The following DZIP3 variants were observed in gnomAD, a reference collection of about 807,000 sequenced individuals.
DZIP3 encodes the protein DAZ interacting zinc finger protein 3.
DZIP3 carries 118 observed loss-of-function variants against 162.0 expected under a neutral mutation model. The observed-to-expected ratio is 0.73, with a 90% CI of 0.63 to 0.85. The LOEUF is 0.85. Ranked by LOEUF, DZIP3 falls within the 40% of genes least tolerant of loss-of-function variation. DZIP3 has a pLI of 0.00. For missense variants in DZIP3, 1,331 were observed against 1,407.0 expected (o/e 0.95, Z 0.86); for synonymous variants, 438 against 458.6 (o/e 0.96, Z 0.57).
intron 1 of DZIP3, among the ~76,000 whole-genome samples, chr3:108,601,007 CTGCA>C (rs1939982241): frequency 6.6e-6 from 1 of 152,162 alleles, no homozygotes; most frequent in Admixed American, 6.5e-5. Context: ...TAATGGATAT[CTGCA>C]TACTTTATGT....
intron 19 of DZIP3, among the ~76,000 whole-genome samples, chr3:108,657,443 G>A (rs1276120551): frequency 6.6e-6 from 1 of 152,164 alleles, no homozygotes; most frequent in Non-Finnish European, 1.5e-5. Context: ...AATGCTGAGA[G>A]ATTTTTGTCA....
intron 5 of DZIP3, among the ~76,000 whole-genome samples, chr3:108,623,284 A>G (rs913468218): frequency 5.3e-5 from 8 of 152,070 alleles, no homozygotes; most frequent in African/African-American, 1.9e-4. Flanking sequence ...GTTGGGTCAC[A>G]TCTGAAGCCA....
chr3:108,637,899 T>C (rs1942231145), intron 12 of DZIP3, among the ~76,000 whole-genome samples: 1 of 152,230 alleles, frequency 6.6e-6, no homozygotes. Flanking sequence ...AGAATCTTCC[T>C]GTTTCTTACA....
intron 1 of DZIP3, among the ~76,000 whole-genome samples, chr3:108,596,959 G>T (rs1378058733): frequency 6.6e-6 from 1 of 152,094 alleles, no homozygotes; most frequent in East Asian, 1.9e-4. Flanking sequence ...GTCTAGGCAT[G>T]GGGTCATTTA....
intron 14 of DZIP3, among the ~76,000 whole-genome samples, chr3:108,645,165 G>C (rs949631014): frequency 1.3e-5 from 2 of 152,164 alleles, no homozygotes; most frequent in Non-Finnish European, 2.9e-5. Context: ...AGAGTTCATA[G>C]AGTACATTCA....
At chr3:108,599,100 G>T (rs1939858133) in intron 1 of DZIP3, among the ~76,000 whole-genome samples, 1 of 152,218 alleles carries the variant, frequency 6.6e-6, no homozygotes, top group South Asian at 2.1e-4. Flanking sequence ...TGTTTCCCAT[G>T]TTGGCAGATT....
chr3:108,619,741 C>A (rs1941227130), intron 5 of DZIP3, among the ~76,000 whole-genome samples: 1 of 152,094 alleles, frequency 6.6e-6, no homozygotes, highest in Admixed American at 6.5e-5. Context: ...GAAACACGCT[C>A]AGAGACACAC....
intron 18 of DZIP3, 108 bp from the exon 19 acceptor site, chr3:108,654,037 T>C: frequency 8.3e-7 from 1 of 1,201,156 alleles, no homozygotes. Flanking sequence ...ACCCTTCTAA[T>C]GCTGAGCATC....
At chr3:108,642,142 T>C (rs1298524686) in intron 12 of DZIP3, among the ~76,000 whole-genome samples, 1 of 152,182 alleles carries the variant, frequency 6.6e-6, no homozygotes, top group African/African-American at 2.4e-5. Flanking sequence ...TGTCTTACAA[T>C]GCAAAGCTTT....
upstream of DZIP3, chr3:108,589,522 C>T (rs1576326396): frequency 3.7e-6 from 2 of 542,036 alleles, no homozygotes; most frequent in East Asian, 3.2e-5. Context: ...TCCCTAGGCA[C>T]CCTAGGGGAC....
At chr3:108,682,531 T>C (rs1026464371) in intron 26 of DZIP3, among the ~76,000 whole-genome samples, 1 of 150,768 alleles carries the variant, frequency 6.6e-6, no homozygotes, top group Non-Finnish European at 1.5e-5. Context: ...AGACAAATAC[T>C]ACCTGATCCC....
At chr3:108,685,792 A>G (rs1256330908) in intron 27 of DZIP3, among the ~76,000 whole-genome samples, 3 of 152,236 alleles carry the variant, frequency 2.0e-5, no homozygotes, top group African/African-American at 7.2e-5. Context: ...AAATGTAAGC[A>G]CATTAGAAAA....
chr3:108,680,622 G>A (rs1944272059), intron 26 of DZIP3, among the ~76,000 whole-genome samples: 1 of 152,048 alleles, frequency 6.6e-6, no homozygotes, highest in South Asian at 2.1e-4. Context: ...AAACATTGGT[G>A]AAAGAAATTG....
chr3:108,640,344 T>G (rs1942334586), intron 12 of DZIP3, among the ~76,000 whole-genome samples: 1 of 152,012 alleles, frequency 6.6e-6, no homozygotes, highest in Admixed American at 6.6e-5. Flanking sequence ...ACTGTCTAAT[T>G]GTATATCTAG....
rs1308973145 is a variant in DZIP3, at chr3:108,648,025, C to A, written c.1875C>A (p.His625Gln). The A allele has an allele frequency of 4.3e-6, 7 of 1,611,446 alleles. No individual in the cohort carries two copies. Among genetic ancestry groups the A allele is most frequent in the Non-Finnish European group, 5.9e-6 (7 of 1,178,848 alleles). ...AGTACAATATAAATGTGAAATCACACCCTGAGATACAGTTTGCAGAAATTA... is the reference window on the plus strand; with the variant it reads ...AGTACAATATAAATGTGAAATCACAACCTGAGATACAGTTTGCAGAAATTA... ...LMEYNINVKSHPEIQFAEINK... is the reference protein window; with the variant it reads ...LMEYNINVKSQPEIQFAEINK... The change falls in exon 16 of 33, where the codon CAC (histidine) becomes CAA (glutamine). Residue 625 changes from histidine (H) to glutamine (Q), a missense_variant. By Grantham distance (24) the His-to-Gln change is conservative. This residue lies in a region of DZIP3 where 1,278 missense variants were observed against 1,317.1 expected (regional missense o/e 0.97). Transcript: ENST00000361582.
chr3:108,676,430 A>G (rs1353666337), intron 25 of DZIP3, among the ~76,000 whole-genome samples: 1 of 152,142 alleles, frequency 6.6e-6, no homozygotes, highest in Non-Finnish European at 1.5e-5. Context: ...CTTTTTATGT[A>G]ATTATTCCAT....
intron 4 of DZIP3, among the ~76,000 whole-genome samples, chr3:108,612,659 G>T (rs1412089901): frequency 6.6e-6 from 1 of 152,098 alleles, no homozygotes; most frequent in East Asian, 1.9e-4. Flanking sequence ...TCTCCCGTAT[G>T]TGTTACACCA....
chr3:108,595,201 G>A (rs1939645253), intron 1 of DZIP3, among the ~76,000 whole-genome samples: 1 of 152,090 alleles, frequency 6.6e-6, no homozygotes. Flanking sequence ...TTCTCTTTGT[G>A]ATTTTGTTGT....
intron 31 of DZIP3, among the ~76,000 whole-genome samples, chr3:108,690,512 T>A (rs1386017351): frequency 6.6e-6 from 1 of 152,184 alleles, no homozygotes; most frequent in Non-Finnish European, 1.5e-5. Context: ...AATTTCCTTG[T>A]CAGGAAGGAT....
Sources: gnomAD v4.1 joint callset for allele counts (sites outside exome capture counted in the v4.1 genomes callset) on GRCh38, gnomAD v4.1.1 for gene constraint, gnomAD v4.1.1 regional missense constraint, MANE v1.5 for transcripts, NCBI Gene and HGNC (gene_info 2026-07-23, HGNC 2026-07-21) for gene names.